Variants in ACYP2 observed in about 807,000 individuals in gnomAD.
ACYP2 encodes acylphosphatase-2.
Under a neutral mutation model 11.2 loss-of-function variants are expected in ACYP2, and 12 were observed. That is an observed-to-expected ratio of 1.08 (90% CI 0.69 to 1.74). ACYP2 has a LOEUF of 1.74. Among genes scored for constraint, ACYP2 ranks in the 40% most tolerant of loss-of-function variants. The pLI, the probability that ACYP2 is intolerant of heterozygous loss-of-function variation, is 0.00. For synonymous variants in ACYP2, 43 were observed against 32.2 expected, an observed-to-expected ratio of 1.33 and a Z score of -1.13; for missense variants, 134 against 101.9, an observed-to-expected ratio of 1.31 and a Z score of -1.35.
chr2:54,116,028 G>A (rs1462513119), intron 4 of ACYP2, among the ~76,000 whole-genome samples: 1 of 152,132 alleles, frequency 6.6e-6, no homozygotes, highest in African/African-American at 2.4e-5. Flanking sequence ...GCGGCTGCTG[G>A]GTGCGGGAGT....
chr2:54,115,168 GAGAGT>G (rs896905358), intron 4 of ACYP2, among the ~76,000 whole-genome samples: 2 of 152,156 alleles, frequency 1.3e-5, no homozygotes, highest in African/African-American at 4.8e-5. Context: ...AAAAATTGAT[GAGAGT>G]AGATCTTAAA....
intron 6 of ACYP2, 93 bp from the exon 4 acceptor site, chr2:54,304,595 G>T (rs1689846457): frequency 1.6e-5 from 12 of 767,882 alleles, no homozygotes; most frequent in Middle Eastern, 3.9e-4. Flanking sequence ...CTTAGTAAAG[G>T]TAAACTCCCA....
chr2:54,207,207 A>G (rs866498251), intron 6 of ACYP2, among the ~76,000 whole-genome samples: 1,750 of 59,258 alleles, frequency 0.03, 34 homozygotes, highest in African/African-American at 0.076. Flanking sequence ...GTGTGTGTGT[A>G]TAAAGAGAAT....
At chr2:54,256,243 G>T in intron 6 of ACYP2, 1 of 1,410,354 alleles carries the variant, frequency 7.1e-7, no homozygotes, top group Non-Finnish European at 9.6e-7. Context: ...TAAACACCTC[G>T]CCCATTTGCG....
chr2:54,233,864 T>C (rs1191748527), intron 6 of ACYP2, among the ~76,000 whole-genome samples: 1 of 152,218 alleles, frequency 6.6e-6, no homozygotes. Context: ...ATAAACTTTA[T>C]TTTTCAACAT....
chr2:54,196,612 A>G (rs1431531448), intron 6 of ACYP2, among the ~76,000 whole-genome samples: 2 of 152,158 alleles, frequency 1.3e-5, no homozygotes, highest in Non-Finnish European at 1.5e-5. Context: ...CTTTGGTGCT[A>G]TTGGCATTTG....
chr2:54,123,868 T>TA (rs1680302289), intron 4 of ACYP2, among the ~76,000 whole-genome samples: 1 of 152,134 alleles, frequency 6.6e-6, no homozygotes, highest in Non-Finnish European at 1.5e-5. Flanking sequence ...CAACCAGTGA[T>TA]ACGGCTTACA....
At chr2:53,999,367 A>T (rs1462803009) in intron 2 of ACYP2, among the ~76,000 whole-genome samples, 1 of 152,216 alleles carries the variant, frequency 6.6e-6, no homozygotes, top group African/African-American at 2.4e-5. Flanking sequence ...AAGCCAAGTT[A>T]CCAAAACATG....
chr2:54,002,194 C>G (rs923605564), intron 2 of ACYP2, among the ~76,000 whole-genome samples: 1 of 152,210 alleles, frequency 6.6e-6, no homozygotes, highest in Admixed American at 6.6e-5. Flanking sequence ...CTGGCAACCT[C>G]TGATCTTTTT....
chr2:54,050,547 GAA>G (rs58128669), intron 2 of ACYP2, among the ~76,000 whole-genome samples: 6,787 of 83,092 alleles, frequency 0.082, 268 homozygotes, highest in East Asian at 0.35. Flanking sequence ...CCCCATCCCT[GAA>G]AAAAAAAAAA....
chr2:54,082,242 CTT>C (rs796236288), intron 4 of ACYP2, among the ~76,000 whole-genome samples: 8 of 147,838 alleles, frequency 5.4e-5, no homozygotes, highest in African/African-American at 1.7e-4. Context: ...ATATATAGCT[CTT>C]TTTTTTTTCT....
At chr2:54,003,414 C>G (rs1470849325) in intron 2 of ACYP2, among the ~76,000 whole-genome samples, 1 of 152,132 alleles carries the variant, frequency 6.6e-6, no homozygotes, top group Admixed American at 6.5e-5. Flanking sequence ...CATCTGCCAC[C>G]ACATCCGGCT....
chr2:54,029,099 A>C lies in ACYP2; in HGVS notation c.63-21859A>C, dbSNP rs1029065199. Among the ~76,000 whole-genome samples, 9 of 152,144 alleles carry C rather than the reference A, an allele frequency of 5.9e-5. No individual in the cohort carries two copies. The East Asian group carries it at 1.7e-3, about 29-fold the overall frequency. Reference sequence around the variant, plus strand: ...AGCATGGCTTCAGCCTGGAAAGCTGAGGCTGCAGTAAGCCATGATGACACC... The same window carrying C: ...AGCATGGCTTCAGCCTGGAAAGCTGCGGCTGCAGTAAGCCATGATGACACC... On this transcript the variant is annotated intron_variant, in intron 2 of 6. Coordinates refer to ENST00000607452, the MANE Select transcript of ACYP2 (RefSeq NM_001320586.2).
chr2:54,043,286 A>G (rs1675344193), intron 2 of ACYP2, among the ~76,000 whole-genome samples: 1 of 152,166 alleles, frequency 6.6e-6, no homozygotes. Flanking sequence ...TCCAATATAC[A>G]GGCACTCCTA....
chr2:53,983,627 G>C (rs916603791), intron 2 of ACYP2, among the ~76,000 whole-genome samples: 1 of 152,196 alleles, frequency 6.6e-6, no homozygotes, highest in Non-Finnish European at 1.5e-5. Flanking sequence ...ATATACGGCT[G>C]AAGCAGAGTT....
At chr2:54,159,877 T>C (rs1196163139) in intron 6 of ACYP2, among the ~76,000 whole-genome samples, 1 of 152,166 alleles carries the variant, frequency 6.6e-6, no homozygotes, top group Admixed American at 6.5e-5. Context: ...CAGAAGTTCT[T>C]TCCTCTGCCT....
rs111903187 is a variant in ACYP2 at position 53,996,142 on chromosome 2, CA to C, written c.62+22343del. Among the ~76,000 whole-genome samples the C allele has an allele frequency of 4.3e-3, 580 of 135,294 alleles. 8 individuals carry two copies. The highest frequency in any genetic ancestry group is 4.9e-3 in the South Asian group (20 of 4,114). 88.8% of individuals were successfully genotyped at this position (135,294 alleles called of 152,430 possible). A position where few individuals can be genotyped will look rare whatever the true frequency, so the allele number is the denominator to read the frequency against. ...AGAGCGAAACTCTGTCCCCACCACC[CA>C]AAAAAAAAAAGACTCACAATGTACA... On this transcript the variant is annotated intron_variant, in intron 2 of 6. Coordinates refer to ENST00000607452, the MANE Select transcript of ACYP2 (RefSeq NM_001320586.2).
intron 4 of ACYP2, among the ~76,000 whole-genome samples, chr2:54,064,283 T>C (rs1189822634): frequency 6.6e-6 from 1 of 152,186 alleles, no homozygotes; most frequent in East Asian, 1.9e-4. Flanking sequence ...TAGGTGTGGG[T>C]GCAGGACCTA....
At chr2:53,986,147 AAAT>A (rs1313745132) in intron 2 of ACYP2, among the ~76,000 whole-genome samples, 2 of 151,626 alleles carry the variant, frequency 1.3e-5, no homozygotes. Flanking sequence ...ATAATAATAA[AAAT>A]AAATAAATAA....
Sources: gnomAD v4.1 joint callset for allele counts (sites outside exome capture counted in the v4.1 genomes callset) on GRCh38, gnomAD v4.1.1 for gene constraint, MANE v1.5 for transcripts, NCBI Gene and HGNC (gene_info 2026-07-23, HGNC 2026-07-21) for gene names.